Variants in RIC3 observed in about 807,000 individuals in gnomAD.
RIC3 encodes RIC3 acetylcholine receptor chaperone.
In RIC3, 28 loss-of-function variants were observed where a neutral mutation model predicts 27.3. The observed-to-expected ratio is 1.02, with a 90% CI of 0.76 to 1.41. The LOEUF (loss-of-function observed/expected upper bound fraction) is 1.41. RIC3 is among the 40% of genes most tolerant of loss of function. The pLI, the probability that RIC3 is intolerant of heterozygous loss-of-function variation, is 0.00. For missense variants in RIC3, 501 were observed against 444.7 expected (o/e 1.13, Z -1.14); for synonymous variants, 184 against 160.4 (o/e 1.15, Z -1.11).
At chr11:8,093,948 A>G in the RIC3 span, 3 of 1,445,884 alleles carry the variant, frequency 2.1e-6, no homozygotes, top group South Asian at 1.2e-5. Flanking sequence ...CTCGGGGTGC[A>G]GTCAAAAATG....
In RIC3 at chr11:8,126,791, TCA is replaced by T; in HGVS notation, c.536_537del (p.Val179AspfsTer3). 6.2e-7 allele frequency: 1 copy of T among 1,614,138 alleles called. No individual in the cohort carries two copies. Among genetic ancestry groups the T allele is most frequent in the Non-Finnish European group, 8.5e-7 (1 of 1,180,026 alleles). ...GPNGESRAQTVTSDQEKRLLH... is the reference protein window; with the variant it reads ...GPNGESRAQTXTSDQEKRLLH... The stretch of plus-strand genomic sequence containing the variant: ...AGCAACCGTTTCTCTTGGTCAGAAG[TCA>T]CAGTCTGTGCTCTGCTTAGAAATAT... On this transcript the variant is annotated frameshift_variant, in exon 5 of 6. Coordinates refer to ENST00000309737, the MANE Select transcript of RIC3 (RefSeq NM_001206671.4). LOFTEE classifies it high-confidence loss of function.
At chr11:8,140,300 A>G in intron 1 of RIC3, 107 bp from the exon 2 acceptor site, 1 of 1,018,912 alleles carries the variant, frequency 9.8e-7, no homozygotes, top group Middle Eastern at 2.2e-4. Context: ...AACAAGTAGA[A>G]GAAAAAAATG....
chr11:8,104,226 A>G (rs1307537784), downstream of RIC3: 1 of 152,242 alleles, frequency 6.6e-6, no homozygotes, highest in Non-Finnish European at 1.5e-5. Context: ...TAATGACAGA[A>G]TGAGCAGTCC....
At chr11:8,117,196 G>C (rs188059965) in intron 5 of RIC3, among the ~76,000 whole-genome samples, 1 of 152,240 alleles carries the variant, frequency 6.6e-6, no homozygotes. Context: ...AGCCTCCCAA[G>C]TTGCTGGGAC....
At chr11:8,093,180 C>T in the RIC3 span, among the ~76,000 whole-genome samples, 10 of 151,892 alleles carry the variant, frequency 6.6e-5, 1 homozygote, top group African/African-American at 2.2e-4. Context: ...GAGGCAGGCA[C>T]AGCGTCCCTC....
chr11:8,099,981 A>G, the RIC3 span, among the ~76,000 whole-genome samples: 1 of 152,180 alleles, frequency 6.6e-6, no homozygotes. Context: ...CTGGAGAGCC[A>G]CTGGAGAGTT....
At chr11:8,154,277 G>A (rs1411708024) in intron 1 of RIC3, among the ~76,000 whole-genome samples, 1 of 152,276 alleles carries the variant, frequency 6.6e-6, no homozygotes, top group African/African-American at 2.4e-5. Flanking sequence ...TTATCAGAAT[G>A]CGTGCTTTTA....
chr11:8,113,520 C>G (rs1379341250), intron 5 of RIC3, among the ~76,000 whole-genome samples: 1 of 152,198 alleles, frequency 6.6e-6, no homozygotes, highest in African/African-American at 2.4e-5. Flanking sequence ...CAGGTCTGCC[C>G]ACATAGCCCA....
chr11:8,097,662 G>T, the RIC3 span: 1 of 1,506,104 alleles, frequency 6.6e-7, no homozygotes, highest in Non-Finnish European at 9.2e-7. Flanking sequence ...TCTCATGACT[G>T]TGTGCAGACC....
chr11:8,111,387 G>A (rs1945251005), intron 5 of RIC3, among the ~76,000 whole-genome samples: 1 of 152,134 alleles, frequency 6.6e-6, no homozygotes, highest in Admixed American at 6.5e-5. Flanking sequence ...GGGTGCTTGG[G>A]GCAGAGTTAA....
the RIC3 span, among the ~76,000 whole-genome samples, chr11:8,098,091 G>C: frequency 6.6e-6 from 1 of 152,004 alleles, no homozygotes; most frequent in Non-Finnish European, 1.5e-5. Flanking sequence ...CCAACCCCAG[G>C]GTGTCACTGA....
At chr11:8,151,402 A>C (rs903688655) in intron 1 of RIC3, among the ~76,000 whole-genome samples, 2 of 151,238 alleles carry the variant, frequency 1.3e-5, no homozygotes, top group African/African-American at 4.9e-5. Flanking sequence ...CCTGGCTAAC[A>C]CGGTGAAACC....
At chr11:8,168,757 GT>G in intron 1 of RIC3, 108 bp downstream of exon 1, 1 of 1,441,028 alleles carries the variant, frequency 6.9e-7, no homozygotes, top group Non-Finnish European at 9.2e-7. Flanking sequence ...AGTCAGTTTG[GT>G]GGATATTTCG....
chr11:8,165,647 A>G (rs763327622), intron 1 of RIC3, among the ~76,000 whole-genome samples: 3 of 152,022 alleles, frequency 2.0e-5, no homozygotes, highest in Non-Finnish European at 4.4e-5. Flanking sequence ...CTGAAACCCA[A>G]TAAATTGTAC....
chr11:8,122,683 A>T (rs1415340215), intron 5 of RIC3, among the ~76,000 whole-genome samples: 1 of 152,188 alleles, frequency 6.6e-6, no homozygotes, highest in East Asian at 1.9e-4. Context: ...TAGCCCTAGA[A>T]TAAAGGCTGT....
Position 8,137,397 on chromosome 11 carries a change from C to T in RIC3, c.502G>A (p.Val168Met). The change falls in exon 4 of 6, where the codon GTG (valine) becomes ATG (methionine). Residue 168 changes from valine (V) to methionine (M), a missense_variant. Transcript: ENST00000309737. Reference sequence around the variant, plus strand: ...ACCTACCTCTCACCATTAGGTCCCACTCTGTTGATTAATTTTTCCATGGCT... The same window carrying T: ...ACCTACCTCTCACCATTAGGTCCCATTCTGTTGATTAATTTTTCCATGGCT... ...EAAMEKLINR[V>M]GPNGESRAQT... The T allele has an allele frequency of 6.2e-7, 1 of 1,614,062 alleles. No homozygotes were observed. The highest frequency in any genetic ancestry group is 8.5e-7 in the Non-Finnish European group (1 of 1,179,982).
intron 1 of RIC3, among the ~76,000 whole-genome samples, chr11:8,161,748 G>A (rs538138139): frequency 1.9e-4 from 29 of 152,328 alleles, no homozygotes; most frequent in African/African-American, 7.0e-4. Flanking sequence ...GCAAAGTGCT[G>A]TAATCCCAGC....
chr11:8,154,834 T>C (rs1950534462), intron 1 of RIC3, among the ~76,000 whole-genome samples: 2 of 152,316 alleles, frequency 1.3e-5, no homozygotes, highest in East Asian at 3.9e-4. Flanking sequence ...TTTTCTAATC[T>C]AGAAAACAAA....
chr11:8,113,312 C>T (rs989995460), intron 5 of RIC3, among the ~76,000 whole-genome samples: 4 of 152,210 alleles, frequency 2.6e-5, no homozygotes, highest in African/African-American at 4.8e-5. Context: ...GAGGGAAGGT[C>T]ACCCAGACTC....
Sources: gnomAD v4.1 joint callset for allele counts (sites outside exome capture counted in the v4.1 genomes callset) on GRCh38, gnomAD v4.1.1 for gene constraint, MANE v1.5 for transcripts, NCBI Gene and HGNC (gene_info 2026-07-23, HGNC 2026-07-21) for gene names.